Variants in EMID1 observed in about 807,000 individuals in gnomAD.
EMID1 encodes the protein EMI domain-containing protein 1.
A neutral mutation model predicts 60.6 loss-of-function variants in EMID1; 40 were observed. The observed-to-expected ratio is 0.66, with a 90% CI of 0.51 to 0.86. The LOEUF is 0.86. EMID1 is among the 40% of genes least tolerant of loss of function. The pLI is 0.00. For missense variants in EMID1, 585 were observed against 597.1 expected (o/e 0.98, Z 0.21); for synonymous variants, 242 against 231.0 (o/e 1.05, Z -0.43).
chr22:29,214,209 G>A (rs2039996496), intron 1 of EMID1, among the ~76,000 whole-genome samples: 1 of 152,206 alleles, frequency 6.6e-6, no homozygotes, highest in African/African-American at 2.4e-5. Flanking sequence ...GGCGGAGGGG[G>A]CAGGCACAAA....
chr22:29,223,791 G>A (rs1162943697), intron 3 of EMID1, among the ~76,000 whole-genome samples: 5 of 152,224 alleles, frequency 3.3e-5, no homozygotes, highest in Non-Finnish European at 7.3e-5. Context: ...GGAAAGTGGA[G>A]GTGAATTGGA....
At chr22:29,252,902 T>C (rs1602058224) in intron 13 of EMID1, among the ~76,000 whole-genome samples, 1 of 152,336 alleles carries the variant, frequency 6.6e-6, no homozygotes, top group East Asian at 1.9e-4. Context: ...GCCCAAAGCG[T>C]GAAGACCTGG....
intron 13 of EMID1, among the ~76,000 whole-genome samples, chr22:29,252,317 C>T (rs1212619641): frequency 6.6e-6 from 1 of 152,158 alleles, no homozygotes; most frequent in East Asian, 1.9e-4. Flanking sequence ...ATTGAGAGAC[C>T]TCTTAGTTGT....
intron 13 of EMID1, among the ~76,000 whole-genome samples, chr22:29,252,758 G>C (rs1569007988): frequency 6.6e-6 from 1 of 152,180 alleles, no homozygotes; most frequent in Non-Finnish European, 1.5e-5. Context: ...CTGGGAGCCA[G>C]AGACAGGGAG....
chr22:29,220,334 C>G (rs904897819), intron 3 of EMID1, among the ~76,000 whole-genome samples: 2 of 152,210 alleles, frequency 1.3e-5, no homozygotes, highest in Non-Finnish European at 2.9e-5. Flanking sequence ...GGAACTTTGC[C>G]TACCCTGAGG....
At chr22:29,208,355 G>C (rs961249692) in intron 1 of EMID1, among the ~76,000 whole-genome samples, 1 of 152,196 alleles carries the variant, frequency 6.6e-6, no homozygotes, top group Non-Finnish European at 1.5e-5. Flanking sequence ...GACACTTGGA[G>C]ACCCCCGGAA....
intron 3 of EMID1, among the ~76,000 whole-genome samples, chr22:29,222,114 TA>T (rs1335947144): frequency 2.6e-5 from 4 of 152,164 alleles, no homozygotes; most frequent in Admixed American, 6.5e-5. Context: ...CTGATTTTAT[TA>T]TTTTTTTTAG....
intron 14 of EMID1, among the ~76,000 whole-genome samples, 178 bp from the exon 15 acceptor site, chr22:29,258,639 G>A (rs978884354): frequency 4.6e-5 from 7 of 152,308 alleles, no homozygotes; most frequent in African/African-American, 1.4e-4. Flanking sequence ...GGTAAGTCCT[G>A]GCGTGAGGCA....
chr22:29,232,521 G>T, intron 8 of EMID1, 119 bp downstream of exon 8: 1 of 1,162,830 alleles, frequency 8.6e-7, no homozygotes, highest in Non-Finnish European at 1.2e-6. Flanking sequence ...TAGGCCACAT[G>T]TGACCCAGTC....
At chr22:29,231,785 T>C (rs2040759130) in intron 7 of EMID1, 103 bp downstream of exon 7, 11 of 1,137,686 alleles carry the variant, frequency 9.7e-6, no homozygotes, top group Admixed American at 3.1e-5. Flanking sequence ...GGCCCTTTCA[T>C]CTACTTGCCT....
At chr22:29,213,219 C>G (rs2039959162) in intron 1 of EMID1, among the ~76,000 whole-genome samples, 1 of 152,216 alleles carries the variant, frequency 6.6e-6, no homozygotes, top group African/African-American at 2.4e-5. Flanking sequence ...CACGCAGAGA[C>G]CTCGGGCTTT....
rs1231467082 is a variant in EMID1, at chr22:29,253,525, T to C, written c.1120-678T>C. ...TGAACCTGGGAGGTGGAGGTTGCGG[T>C]GAGCTGAGATCGCGCCATTGCACTC... On this transcript the variant is annotated intron_variant, in intron 13 of 14. Transcript: ENST00000334018. 2.6e-5 allele frequency among the ~76,000 whole-genome samples: 4 copies of C among 152,072 alleles called. No homozygotes were observed. In the East Asian group the frequency reaches 5.8e-4, roughly 22 times the overall value.
rs1226749401 is a variant in EMID1, at chr22:29,225,226, G to A, written c.403+10G>A. 6.2e-7 allele frequency: 1 copy of A among 1,612,974 alleles called. No individual in the cohort carries two copies. ...CCCACAGCCTTCTCAGGTGGGTCCT[G>A]GGATAGCTTCTTGAGGTCCCCCTGG... On this transcript the variant is annotated intron_variant, in intron 4 of 14. Transcript: ENST00000334018.
rs74424143 is a variant in EMID1, at chr22:29,247,532, C to T, written c.1119+4043C>T. On this transcript the variant is annotated intron_variant, in intron 13 of 14. Transcript: ENST00000334018. Reference sequence around the variant, plus strand: ...TACAAACCTAAACAGCACGTTACTACGCTAAATATTGCAGGCAACTGCAAC... The same window carrying T: ...TACAAACCTAAACAGCACGTTACTATGCTAAATATTGCAGGCAACTGCAAC... 5.0e-3 allele frequency among the ~76,000 whole-genome samples: 764 copies of T among 152,334 alleles called. 21 individuals are homozygous for T. The East Asian group carries it at 0.084, about 17-fold the overall frequency.
At chr22:29,232,509 G>A in intron 8 of EMID1, 107 bp downstream of exon 8, 20 of 1,272,662 alleles carry the variant, frequency 1.6e-5, no homozygotes, top group Non-Finnish European at 1.9e-5. Flanking sequence ...CCCTGCTCAC[G>A]ATAGGCCACA....
At chr22:29,258,373 G>A (rs1208738882) in intron 14 of EMID1, among the ~76,000 whole-genome samples, 1 of 152,152 alleles carries the variant, frequency 6.6e-6, no homozygotes, top group Non-Finnish European at 1.5e-5. Context: ...TAGGTCAGTG[G>A]CAGAGCCTGG....
intron 12 of EMID1, among the ~76,000 whole-genome samples, chr22:29,240,904 G>A (rs1230702327): frequency 6.6e-6 from 1 of 152,158 alleles, no homozygotes; most frequent in African/African-American, 2.4e-5. Flanking sequence ...TGTTGGGTCC[G>A]ATCACTCCAA....
intron 3 of EMID1, among the ~76,000 whole-genome samples, chr22:29,223,660 G>T (rs1291964175): frequency 6.6e-6 from 1 of 152,212 alleles, no homozygotes; most frequent in Non-Finnish European, 1.5e-5. Flanking sequence ...TCTCTTCTCT[G>T]CCTCATTTCC....
chr22:29,258,225 A>C (rs1184660349), intron 14 of EMID1, among the ~76,000 whole-genome samples: 2 of 152,172 alleles, frequency 1.3e-5, no homozygotes, highest in Admixed American at 6.5e-5. Flanking sequence ...TAGGCACAGA[A>C]GGCTTCCTGG....
Sources: gnomAD v4.1 joint callset for allele counts (sites outside exome capture counted in the v4.1 genomes callset) on GRCh38, gnomAD v4.1.1 for gene constraint, MANE v1.5 for transcripts, NCBI Gene and HGNC (gene_info 2026-07-23, HGNC 2026-07-21) for gene names.